CSNK1G1: variants seen among roughly 807,000 people sequenced by gnomAD.
CSNK1G1 encodes casein kinase I isoform gamma-1.
CSNK1G1 carries 22 observed loss-of-function variants against 59.6 expected under a neutral mutation model. The observed-to-expected ratio is 0.37, with a 90% confidence interval of 0.26 to 0.53. CSNK1G1 has a LOEUF of 0.53. Ranked by LOEUF, CSNK1G1 falls within the 20% of genes least tolerant of loss-of-function variation. The probability of loss-of-function intolerance (pLI) is 0.89; values close to 1 mark genes in which losing one functional copy is unlikely to be tolerated. For synonymous variants in CSNK1G1, 179 were observed against 177.1 expected, an observed-to-expected ratio of 1.01 and a Z score of -0.08; for missense variants, 384 against 519.5, an observed-to-expected ratio of 0.74 and a Z score of 2.54.
At chr15:64,219,403 T>G (rs763115869) in intron 4 of CSNK1G1, among the ~76,000 whole-genome samples, 2 of 152,240 alleles carry the variant, frequency 1.3e-5, no homozygotes, top group Non-Finnish European at 2.9e-5. Context: ...AAATATTATA[T>G]TCTTCAAAGC....
chr15:64,256,276 A>C (rs950820909), intron 3 of CSNK1G1, among the ~76,000 whole-genome samples: 1 of 152,250 alleles, frequency 6.6e-6, no homozygotes, highest in Admixed American at 6.5e-5. Context: ...AATGAATTTT[A>C]AAAACCACAC....
intron 4 of CSNK1G1, among the ~76,000 whole-genome samples, chr15:64,230,417 C>T (rs2082530932): frequency 6.6e-6 from 1 of 151,902 alleles, no homozygotes; most frequent in Admixed American, 6.6e-5. Flanking sequence ...CCCACCTCAG[C>T]CTCCCGAGTG....
At chr15:64,237,935 A>G (rs927110303) in intron 4 of CSNK1G1, among the ~76,000 whole-genome samples, 1 of 152,220 alleles carries the variant, frequency 6.6e-6, no homozygotes, top group Admixed American at 6.5e-5. Flanking sequence ...TGGGTGAAAC[A>G]GTTTGAATAC....
chr15:64,198,216 T>G, intron 10 of CSNK1G1, among the ~76,000 whole-genome samples: 1 of 142,172 alleles, frequency 7.0e-6, no homozygotes, highest in South Asian at 2.3e-4. Flanking sequence ...TTTTTTTTTT[T>G]GAAACAAAGT....
chr15:64,229,274 A>G (rs975502676), intron 4 of CSNK1G1, among the ~76,000 whole-genome samples: 2 of 152,160 alleles, frequency 1.3e-5, no homozygotes, highest in African/African-American at 4.8e-5. Flanking sequence ...GTTCCTTCTG[A>G]TAACACCACC....
intron 10 of CSNK1G1, among the ~76,000 whole-genome samples, chr15:64,192,599 C>T (rs2081986157): frequency 1.3e-5 from 2 of 152,046 alleles, no homozygotes; most frequent in Admixed American, 1.3e-4. Flanking sequence ...TAACAAAGTG[C>T]CATAATCCCA....
intron 10 of CSNK1G1, among the ~76,000 whole-genome samples, chr15:64,187,766 C>T (rs539695119): frequency 1.3e-5 from 2 of 152,294 alleles, no homozygotes; most frequent in South Asian, 4.1e-4. Context: ...TTATTAAAAA[C>T]ATTCACATGT....
chr15:64,171,817 G>C lies in CSNK1G1; in HGVS notation c.*114C>G. On this transcript the variant is annotated 3_prime_UTR_variant, in exon 12 of 12. Transcript: ENST00000303052. This position sits in a 1 kb window ranked among gnomAD's most constrained non-coding sequence, Gnocchi z 4.8. ...GGGGGCATCTGTTTTCTTCTTTTTG[G>C]TTTGGATATCCACCCTCCCCCAAAG... 1 of 944,682 alleles carries C rather than the reference G, an allele frequency of 1.1e-6. No individual in the cohort carries two copies. Among genetic ancestry groups the C allele is most frequent in the East Asian group, 2.4e-5 (1 of 41,874 alleles). The allele number at this position is 944,682 out of a possible 1,614,324, so 58.5% of individuals were successfully genotyped here. A position where few individuals can be genotyped will look rare whatever the true frequency, so the allele number is the denominator to read the frequency against.
chr15:64,251,650 G>C (rs1001854178), intron 3 of CSNK1G1, 69 bp from the exon 4 acceptor site: 12 of 1,102,704 alleles, frequency 1.1e-5, no homozygotes, highest in Non-Finnish European at 2.8e-6. Context: ...TAAATTTTTG[G>C]AGTAAACGAG....
intron 1 of CSNK1G1, among the ~76,000 whole-genome samples, chr15:64,301,906 GAA>G (rs780238064): frequency 2.6e-5 from 4 of 151,664 alleles, no homozygotes; most frequent in Non-Finnish European, 5.9e-5. Context: ...AAGAAAGAAA[GAA>G]AGAAAACTTA....
At chr15:64,335,058 C>T (rs1195952138) in intron 1 of CSNK1G1, among the ~76,000 whole-genome samples, 1 of 152,158 alleles carries the variant, frequency 6.6e-6, no homozygotes, top group African/African-American at 2.4e-5. Context: ...AAGTACTGCT[C>T]AGTTCACATA....
At chr15:64,187,332 C>T (rs1238213079) in intron 10 of CSNK1G1, among the ~76,000 whole-genome samples, 1 of 151,424 alleles carries the variant, frequency 6.6e-6, no homozygotes, top group Non-Finnish European at 1.5e-5. Flanking sequence ...GCTAGGATTA[C>T]AGGTATGCGC....
intron 4 of CSNK1G1, among the ~76,000 whole-genome samples, chr15:64,233,975 T>A (rs1390984852): frequency 6.6e-6 from 1 of 152,154 alleles, no homozygotes; most frequent in Non-Finnish European, 1.5e-5. Flanking sequence ...TTCCTGACAA[T>A]GCAGGTAGAT....
chr15:64,260,257 A>G (rs1379972041), intron 2 of CSNK1G1, among the ~76,000 whole-genome samples: 1 of 152,214 alleles, frequency 6.6e-6, no homozygotes, highest in African/African-American at 2.4e-5. Flanking sequence ...AGCACATATA[A>G]AACACTCAAA....
chr15:64,346,356 A>C (rs187765152), intron 1 of CSNK1G1, among the ~76,000 whole-genome samples: 1 of 151,724 alleles, frequency 6.6e-6, no homozygotes, highest in Non-Finnish European at 1.5e-5. Context: ...GTAAACTACA[A>C]AACGATAAAA....
At chr15:64,292,000 C>T (rs1894766144) in intron 2 of CSNK1G1, among the ~76,000 whole-genome samples, 1 of 152,004 alleles carries the variant, frequency 6.6e-6, no homozygotes, top group East Asian at 1.9e-4. Flanking sequence ...AGATCGAGGC[C>T]ATCCTGGCTA....
chr15:64,347,373 T>TA (rs1898032709), intron 1 of CSNK1G1, among the ~76,000 whole-genome samples: 1 of 152,024 alleles, frequency 6.6e-6, no homozygotes, highest in Non-Finnish European at 1.5e-5. Context: ...TATTCATCAT[T>TA]ATCAAAAACT....
chr15:64,231,220 G>A (rs117438647), intron 4 of CSNK1G1, among the ~76,000 whole-genome samples: 6,581 of 150,060 alleles, frequency 0.044, 187 homozygotes, highest in South Asian at 0.084. Flanking sequence ...CAGCTACTCA[G>A]GAAGCTGGGG....
At chr15:64,288,855 A>T (rs1356882653) in intron 2 of CSNK1G1, among the ~76,000 whole-genome samples, 2 of 152,052 alleles carry the variant, frequency 1.3e-5, no homozygotes, top group South Asian at 2.1e-4. Context: ...TCTGTTGCCC[A>T]TAACCATCCT....
Sources: gnomAD v4.1 joint callset for allele counts (sites outside exome capture counted in the v4.1 genomes callset) on GRCh38, gnomAD v4.1.1 for gene constraint, Gnocchi (gnomAD v3.1) non-coding constraint, MANE v1.5 for transcripts, NCBI Gene and HGNC (gene_info 2026-07-23, HGNC 2026-07-21) for gene names.